Variants in SHANK2 observed in about 807,000 individuals in gnomAD.
SHANK2 encodes SH3 and multiple ankyrin repeat domains protein 2.
In SHANK2, 43 loss-of-function variants were observed where a neutral mutation model predicts 133.7. That is an observed-to-expected ratio of 0.32 (90% CI 0.25 to 0.41). SHANK2 has a LOEUF of 0.41. Among genes scored for constraint, SHANK2 ranks in the 10% least tolerant of loss-of-function variants. The pLI, the probability that SHANK2 is intolerant of heterozygous loss-of-function variation, is 1.00. For synonymous variants in SHANK2, 1,017 were observed against 952.8 expected (o/e 1.07, Z -1.24); for missense variants, 1,994 against 2,235.8 (o/e 0.89, Z 2.18).
chr11:70,586,902 G>C (rs993685255), intron 17 of SHANK2, among the ~76,000 whole-genome samples: 1 of 152,156 alleles, frequency 6.6e-6, no homozygotes, highest in Admixed American at 6.5e-5. Context: ...ATGCAGAAAA[G>C]GCAAAGTCTC....
chr11:70,490,189 G>A (rs2058865895), intron 23 of SHANK2, 87 bp downstream of exon 23: 1 of 1,157,856 alleles, frequency 8.6e-7, no homozygotes, highest in East Asian at 2.4e-5. Flanking sequence ...AACTGTGAGA[G>A]GCCCAGGGCT....
intron 17 of SHANK2, among the ~76,000 whole-genome samples, chr11:70,549,375 C>T (rs1211124255): frequency 4.6e-5 from 7 of 152,218 alleles, no homozygotes; most frequent in Non-Finnish European, 1.0e-4. Flanking sequence ...TCACACTGGT[C>T]CCCCTAGTGA....
intron 8 of SHANK2, among the ~76,000 whole-genome samples, chr11:71,078,375 T>G (rs1278389644): frequency 6.6e-6 from 1 of 151,832 alleles, no homozygotes; most frequent in African/African-American, 2.4e-5. Context: ...AGCCAACTAA[T>G]AATGTAGAAG....
intron 17 of SHANK2, among the ~76,000 whole-genome samples, chr11:70,585,182 C>T (rs1554986428): frequency 1.3e-5 from 2 of 152,266 alleles, no homozygotes; most frequent in African/African-American, 2.4e-5. Context: ...GACCGCCTGA[C>T]TCGAGGGTGG....
chr11:70,797,048 C>T (rs1025099550), intron 14 of SHANK2, among the ~76,000 whole-genome samples: 17 of 152,196 alleles, frequency 1.1e-4, no homozygotes, highest in African/African-American at 4.1e-4. Flanking sequence ...TGCCCAATCC[C>T]TTTATTACAG....
In SHANK2 at chr11:70,500,695, C is replaced by A. The variant is rs1381466096; in HGVS notation, c.2288-105G>T. ...CAGGGCGCCTCAGGAGCAGGCTGGG[C>A]CGGCAATGGGGCGGCAGGCAGGGGC... On this transcript the variant is annotated intron_variant, in intron 20 of 25. Transcript: ENST00000601538. This position sits in a 1 kb window ranked among gnomAD's most constrained non-coding sequence, Gnocchi z 4.5. 1.4e-6 allele frequency: 2 copies of A among 1,470,120 alleles called. No individual in the cohort carries two copies. The highest frequency in any genetic ancestry group is 1.9e-6 in the Non-Finnish European group (2 of 1,072,134). 91.1% of individuals were successfully genotyped at this position (1,470,120 alleles called of 1,614,324 possible).
intron 14 of SHANK2, 46 bp downstream of exon 14, chr11:70,798,397 T>C (rs781981198): frequency 4.2e-6 from 3 of 715,014 alleles, no homozygotes; most frequent in South Asian, 3.0e-5. Flanking sequence ...GGGCCTGAGA[T>C]AGGCCTGCAG....
At chr11:70,767,694 T>G (rs1187058864) in intron 14 of SHANK2, among the ~76,000 whole-genome samples, 1 of 150,382 alleles carries the variant, frequency 6.6e-6, no homozygotes. Flanking sequence ...CTGCCAGGGG[T>G]GGGGGGGGCA....
intron 2 of SHANK2, among the ~76,000 whole-genome samples, chr11:71,178,357 T>C (rs1017333304): frequency 2.0e-5 from 3 of 152,220 alleles, no homozygotes; most frequent in Admixed American, 6.5e-5. Flanking sequence ...ATTCTACTTA[T>C]ATGAGGTACC....
intron 9 of SHANK2, among the ~76,000 whole-genome samples, chr11:71,067,018 C>G (rs1296776437): frequency 1.3e-5 from 2 of 152,200 alleles, no homozygotes; most frequent in African/African-American, 2.4e-5. Flanking sequence ...AACGGAGCGG[C>G]CTTTGACCAC....
At chr11:71,082,478 T>C (rs1951313658) in intron 8 of SHANK2, among the ~76,000 whole-genome samples, 1 of 152,200 alleles carries the variant, frequency 6.6e-6, no homozygotes, top group African/African-American at 2.4e-5. Flanking sequence ...TGTGGCTCCA[T>C]CCCATTCTAA....
intron 14 of SHANK2, among the ~76,000 whole-genome samples, chr11:70,737,837 C>T (rs1282355190): frequency 2.0e-5 from 3 of 152,212 alleles, no homozygotes; most frequent in African/African-American, 4.8e-5. Context: ...CAAGGAGGCC[C>T]GTCATTTGCA....
In SHANK2 at chr11:70,485,536, G is replaced by A. The variant is rs141276059; in HGVS notation, c.4757C>T (p.Pro1586Leu). 5.1e-4 allele frequency: 826 copies of A among 1,612,818 alleles called. 1 individual carries two copies. In the Middle Eastern group the frequency reaches 5.9e-3, roughly 12 times the overall value. ...GGCCATCCCAGGCTGGGCACTGCCC[G>A]GCGGGGGCGGGGGAGCGGGCGGGGG... ...VIPPPAPPPP[P>L]GSAQPGMAKV... Residue 1586 changes from proline to leucine, a missense_variant, in exon 25 of 26, where the codon CCG (proline) becomes CTG (leucine). By Grantham distance (98) the Pro-to-Leu change is moderately conservative (BLOSUM62 -3). This residue lies in a region of SHANK2 where 797 missense variants were observed against 907.4 expected (regional missense o/e 0.88). Transcript: ENST00000601538. This position sits in a 1 kb window ranked among gnomAD's most constrained non-coding sequence, Gnocchi z 5.8.
At chr11:70,598,689 T>C (rs2840352) in intron 17 of SHANK2, among the ~76,000 whole-genome samples, 37,942 of 152,076 alleles carry the variant, frequency 0.25, 5,107 homozygotes, top group Admixed American at 0.37. Context: ...GCAAATGGAA[T>C]TTGGCAACAT....
At chr11:70,714,993 G>A (rs1163059076) in intron 14 of SHANK2, among the ~76,000 whole-genome samples, 19 of 150,514 alleles carry the variant, frequency 1.3e-4, no homozygotes, top group African/African-American at 4.4e-4. Flanking sequence ...ACTTTCTGTA[G>A]AGATGAGGTC....
chr11:70,892,858 G>T (rs1949870734), intron 11 of SHANK2, among the ~76,000 whole-genome samples: 1 of 152,148 alleles, frequency 6.6e-6, no homozygotes, highest in Non-Finnish European at 1.5e-5. Context: ...CACACCCTCT[G>T]CAGGTTCCCA....
chr11:70,667,336 C>T (rs529272279), intron 15 of SHANK2, among the ~76,000 whole-genome samples: 2 of 152,208 alleles, frequency 1.3e-5, no homozygotes, highest in Non-Finnish European at 1.5e-5. Flanking sequence ...TGCTCACCCA[C>T]GGTCCCACTG....
chr11:71,228,122 T>C (rs1555122522), intron 1 of SHANK2, among the ~76,000 whole-genome samples: 1 of 151,570 alleles, frequency 6.6e-6, no homozygotes, highest in Non-Finnish European at 1.5e-5. Context: ...GAATACTAAA[T>C]CAGCTCTACA....
rs567309787 is a variant in SHANK2 at position 70,625,630 on chromosome 11, C to T, written c.2061+34198G>A. ...CCATTTTAGATCAGAAAACTGAGGC[C>T]CAGACCTTAGGAAATCTGAGCAGGC... On this transcript the variant is annotated intron_variant, in intron 17 of 25. Transcript: ENST00000601538. Among the ~76,000 whole-genome samples the T allele has an allele frequency of 2.6e-5, 4 of 151,830 alleles. No individual in the cohort carries two copies. In the South Asian group the frequency reaches 8.3e-4, roughly 32 times the overall value.
Sources: gnomAD v4.1 joint callset for allele counts (sites outside exome capture counted in the v4.1 genomes callset) on GRCh38, gnomAD v4.1.1 for gene constraint, gnomAD v4.1.1 regional missense constraint, Gnocchi (gnomAD v3.1) non-coding constraint, MANE v1.5 for transcripts, NCBI Gene and HGNC (gene_info 2026-07-23, HGNC 2026-07-21) for gene names.